DSCAM: variants seen among roughly 807,000 people sequenced by gnomAD.
The protein encoded by DSCAM is DS cell adhesion molecule.
In DSCAM, 47 loss-of-function variants were observed where a neutral mutation model predicts 217.7. The ratio of observed to expected loss-of-function variants is 0.22; its 90% confidence interval spans 0.17 to 0.28. The LOEUF is 0.28. Among genes scored for constraint, DSCAM ranks in the 10% least tolerant of loss-of-function variants. The pLI, the probability that DSCAM is intolerant of heterozygous loss-of-function variation, is 1.00. For missense variants in DSCAM, 2,080 were observed against 2,618.3 expected, an observed-to-expected ratio of 0.79 and a Z score of 4.49; for synonymous variants, 1,056 against 1,015.3, an observed-to-expected ratio of 1.04 and a Z score of -0.76.
At chr21:40,411,307 T>A (rs1375153375) in intron 3 of DSCAM, among the ~76,000 whole-genome samples, 1 of 151,552 alleles carries the variant, frequency 6.6e-6, no homozygotes, top group African/African-American at 2.4e-5. Context: ...AAATAATGTT[T>A]TATACAATTA....
chr21:40,743,391 G>A (rs766406690), intron 1 of DSCAM, among the ~76,000 whole-genome samples: 2 of 152,030 alleles, frequency 1.3e-5, no homozygotes, highest in Non-Finnish European at 2.9e-5. Flanking sequence ...CACAATAATG[G>A]CCTTTTATTC....
intron 24 of DSCAM, among the ~76,000 whole-genome samples, chr21:40,080,700 T>G (rs1160879157): frequency 6.6e-6 from 1 of 152,222 alleles, no homozygotes; most frequent in Non-Finnish European, 1.5e-5. Context: ...AGGCTGAAGC[T>G]GTTATTTTTG....
intron 1 of DSCAM, among the ~76,000 whole-genome samples, chr21:40,845,105 A>G (rs1232799156): frequency 1.3e-5 from 2 of 152,232 alleles, no homozygotes; most frequent in Non-Finnish European, 2.9e-5. Context: ...CTGTCCCTGA[A>G]GGGAAATTCC....
intron 30 of DSCAM, among the ~76,000 whole-genome samples, chr21:40,046,411 G>C (rs1029864962): frequency 2.2e-5 from 3 of 138,106 alleles, no homozygotes; most frequent in Non-Finnish European, 4.8e-5. Context: ...TTCCACGGAA[G>C]ACTTCATTAG....
chr21:40,768,971 T>A (rs1030745164), intron 1 of DSCAM, among the ~76,000 whole-genome samples: 1 of 152,232 alleles, frequency 6.6e-6, no homozygotes, highest in Non-Finnish European at 1.5e-5. Context: ...GAGATGCATA[T>A]TGAAGACGTC....
intron 10 of DSCAM, among the ~76,000 whole-genome samples, chr21:40,282,888 GAAGT>G (rs1325890256): frequency 6.6e-6 from 1 of 152,170 alleles, no homozygotes; most frequent in Non-Finnish European, 1.5e-5. Context: ...TATCTAGACT[GAAGT>G]AAGTTTCTTT....
Position 40,428,234 on chromosome 21 carries a change from T to TTGTGTGTG in DSCAM, c.509-58997_509-58990dup, listed in dbSNP as rs71186936. ...CTGTGTGACCATGAGGGCAAATACT[T>TTGTGTGTG]TGTGTGTGTGTGTGTGTGTGTGTGT... On this transcript the variant is annotated intron_variant, in intron 3 of 32. Transcript: ENST00000400454. Among the ~76,000 whole-genome samples, 561 of 129,330 alleles carry TTGTGTGTG rather than the reference T, an allele frequency of 4.3e-3. 3 individuals are homozygous for TTGTGTGTG. Among genetic ancestry groups the TTGTGTGTG allele is most frequent in the Middle Eastern group, 7.8e-3 (2 of 256 alleles). 84.8% of individuals were successfully genotyped at this position (129,330 alleles called of 152,430 possible). A position where few individuals can be genotyped will look rare whatever the true frequency, so the allele number is the denominator to read the frequency against.
chr21:40,654,017 C>A (rs1029874525), intron 3 of DSCAM, among the ~76,000 whole-genome samples: 1 of 151,850 alleles, frequency 6.6e-6, no homozygotes, highest in African/African-American at 2.4e-5. Context: ...ATTGCTTGAA[C>A]CCAGGAGGCG....
intron 31 of DSCAM, among the ~76,000 whole-genome samples, chr21:40,043,811 C>T (rs901531893): frequency 4.6e-5 from 7 of 152,164 alleles, no homozygotes; most frequent in African/African-American, 1.7e-4. Flanking sequence ...GGGGTAGGAA[C>T]TAAATGGAGA....
intron 1 of DSCAM, among the ~76,000 whole-genome samples, chr21:40,758,418 G>A (rs1203149917): frequency 6.6e-6 from 1 of 151,748 alleles, no homozygotes; most frequent in African/African-American, 2.4e-5. Context: ...TTGGGAGGCT[G>A]AGGCAGGAGA....
chr21:40,670,933 T>C lies in DSCAM; in HGVS notation c.508+21877A>G, dbSNP rs569977479. ...AGACAAGCCAAATGTACTTTTGTCA[T>C]ATAACTTGTACAAGAGAAAATAGTC... On this transcript the variant is annotated intron_variant, in intron 3 of 32. Transcript: ENST00000400454. 2.0e-5 allele frequency among the ~76,000 whole-genome samples: 3 copies of C among 152,340 alleles called. No individual in the cohort carries two copies. The East Asian group carries it at 5.8e-4, about 29-fold the overall frequency.
chr21:40,465,488 A>T (rs2075837226), intron 3 of DSCAM, among the ~76,000 whole-genome samples: 1 of 152,202 alleles, frequency 6.6e-6, no homozygotes, highest in Non-Finnish European at 1.5e-5. Context: ...ATCCAGATCA[A>T]CTACAGAAGC....
At chr21:40,468,917 T>C (rs1163778921) in intron 3 of DSCAM, among the ~76,000 whole-genome samples, 1 of 151,546 alleles carries the variant, frequency 6.6e-6, no homozygotes, top group Non-Finnish European at 1.5e-5. Flanking sequence ...GTGGAAAGAG[T>C]AGGAATGGTA....
intron 1 of DSCAM, 34 bp downstream of exon 1, chr21:40,846,585 G>C: frequency 9.3e-7 from 1 of 1,072,138 alleles, no homozygotes; most frequent in Non-Finnish European, 1.2e-6. Flanking sequence ...TCAATGATAA[G>C]GAAACGAAAT....
intron 10 of DSCAM, among the ~76,000 whole-genome samples, chr21:40,287,016 T>A (rs547075766): frequency 7.5e-6 from 1 of 133,062 alleles, no homozygotes; most frequent in East Asian, 2.1e-4. Context: ...GATCTGCAGG[T>A]ATCTGCGGTG....
chr21:40,607,682 T>C (rs1007715906), intron 3 of DSCAM, among the ~76,000 whole-genome samples: 63 of 151,952 alleles, frequency 4.1e-4, no homozygotes, highest in African/African-American at 1.5e-3. Context: ...TTATAAGGGG[T>C]TTCCCCATTC....
At chr21:40,486,173 G>A (rs890078335) in intron 3 of DSCAM, among the ~76,000 whole-genome samples, 4 of 152,182 alleles carry the variant, frequency 2.6e-5, no homozygotes, top group Non-Finnish European at 5.9e-5. Context: ...TCAGTTGCTA[G>A]TGAATATACA....
At chr21:40,842,957 G>T (rs553750697) in intron 1 of DSCAM, among the ~76,000 whole-genome samples, 4 of 152,068 alleles carry the variant, frequency 2.6e-5, no homozygotes, top group Non-Finnish European at 4.4e-5. Flanking sequence ...AAAAGGCCTC[G>T]GAATTTAGGT....
chr21:40,453,141 TCA>T (rs1232669548), intron 3 of DSCAM, among the ~76,000 whole-genome samples: 1 of 151,162 alleles, frequency 6.6e-6, no homozygotes, highest in African/African-American at 2.4e-5. Flanking sequence ...ATAAGTAATA[TCA>T]CACACTTATG....
Sources: allele counts gnomAD v4.1 joint callset (sites outside exome capture counted in the v4.1 genomes callset), GRCh38; gene constraint gnomAD v4.1.1; transcripts MANE v1.5; gene names NCBI Gene and HGNC (gene_info 2026-07-23, HGNC 2026-07-21).